The following KDELR2 variants were observed in gnomAD, a reference collection of about 807,000 sequenced individuals.
KDELR2 encodes ER lumen protein-retaining receptor 2.
Under a neutral mutation model 23.9 loss-of-function variants are expected in KDELR2, and 15 were observed. The ratio of observed to expected loss-of-function variants is 0.63; its 90% CI spans 0.42 to 0.97. The LOEUF is 0.97. Ranked by LOEUF, KDELR2 falls within the 50% of genes least tolerant of loss-of-function variation. The pLI, the probability that KDELR2 is intolerant of heterozygous loss-of-function variation, is 0.00. For synonymous variants in KDELR2, 119 were observed against 106.2 expected (o/e 1.12, Z -0.74); for missense variants, 272 against 254.6 (o/e 1.07, Z -0.46).
Position 6,462,907 on chromosome 7 carries a change from GTTTC to G in KDELR2, c.*230_*233del, listed in dbSNP as rs1433895371. 5 of 1,388,646 alleles carry G rather than the reference GTTTC, an allele frequency of 3.6e-6. No homozygotes were observed. In the East Asian group the frequency reaches 7.2e-5, roughly 20 times the overall value. The allele number at this position is 1,388,646 out of a possible 1,614,324, so 86.0% of individuals were successfully genotyped here. ...ACTGAATTTATTAATACAGCATTAA[GTTTC>G]TTTGTGTAAAAAAATCTTTGTACAC... On this transcript the variant is annotated 3_prime_UTR_variant, in exon 5 of 5. Coordinates refer to ENST00000258739, the MANE Select transcript of KDELR2 (RefSeq NM_006854.4).
rs1785406402 is a variant in KDELR2 at position 6,462,301 on chromosome 7, A to G, written c.*840T>C. 6.6e-6 allele frequency: 1 copy of G among 152,224 alleles called. No homozygotes were observed. Among genetic ancestry groups the G allele is most frequent in the Non-Finnish European group, 1.5e-5 (1 of 68,052 alleles). The allele number at this position is 152,224 out of a possible 1,614,324, so 9.4% of individuals were successfully genotyped here. ...TTTTGGAATTATAAGTGAAAGTGAT[A>G]GGTAACTCCTTGTGTTCCATTTCTC... On this transcript the variant is annotated 3_prime_UTR_variant, in exon 5 of 5. Coordinates refer to ENST00000258739, the MANE Select transcript of KDELR2 (RefSeq NM_006854.4).
chr7:6,479,439 G>A (rs1785836309), intron 1 of KDELR2, among the ~76,000 whole-genome samples: 2 of 152,172 alleles, frequency 1.3e-5, no homozygotes, highest in African/African-American at 4.8e-5. Context: ...ACAGGCATGA[G>A]CCACTAAGAC....
chr7:6,461,223 CT>C lies in KDELR2; in HGVS notation c.*1917del, dbSNP rs1785382262. ...AGTCCCACACTCCCTCGCAGGCACC[CT>C]TGCTAAGATGTCCTCCTGGGTGACC... On this transcript the variant is annotated 3_prime_UTR_variant, in exon 5 of 5. Coordinates refer to ENST00000258739, the MANE Select transcript of KDELR2 (RefSeq NM_006854.4). The C allele has an allele frequency of 6.6e-6, 1 of 152,162 alleles. No homozygotes were observed. The highest frequency in any genetic ancestry group is 1.5e-5 in the Non-Finnish European group (1 of 68,028). The allele number at this position is 152,162 out of a possible 1,614,324, so 9.4% of individuals were successfully genotyped here.
chr7:6,474,299 G>A lies in KDELR2; in HGVS notation c.92-15C>T, dbSNP rs775013229. On this transcript the variant is annotated splice_polypyrimidine_tract_variant and intron_variant, in intron 1 of 4. Transcript: ENST00000258739. Reference sequence around the variant, plus strand: ...CCCAGAAATACCTAGAGAAACAGAAGGGAAGTATTAGAAGGGCCTGAAGAG... The same window carrying A: ...CCCAGAAATACCTAGAGAAACAGAAAGGAAGTATTAGAAGGGCCTGAAGAG... The A allele has an allele frequency of 1.1e-5, 17 of 1,569,870 alleles. No individual in the cohort carries two copies. Among genetic ancestry groups the A allele is most frequent in the Middle Eastern group, 1.7e-4 (1 of 5,978 alleles).
intron 3 of KDELR2, among the ~76,000 whole-genome samples, chr7:6,467,746 G>A (rs997636630): frequency 3.3e-5 from 5 of 152,072 alleles, no homozygotes; most frequent in Admixed American, 1.3e-4. Context: ...GGGTGACAGC[G>A]AGACTCTGTC....
At chr7:6,464,140 T>G (rs1785447684) in intron 4 of KDELR2, among the ~76,000 whole-genome samples, 1 of 125,786 alleles carries the variant, frequency 8.0e-6, no homozygotes, top group Non-Finnish European at 1.5e-5. Context: ...GAGGTTGCGG[T>G]GAGCCAAGAT....
intron 1 of KDELR2, among the ~76,000 whole-genome samples, chr7:6,480,896 A>G (rs1445780845): frequency 6.6e-6 from 1 of 152,244 alleles, no homozygotes; most frequent in Non-Finnish European, 1.5e-5. Context: ...CACACAAACC[A>G]GGACAGAAAT....
chr7:6,470,736 G>C (rs530651114), intron 2 of KDELR2, among the ~76,000 whole-genome samples: 2 of 151,936 alleles, frequency 1.3e-5, no homozygotes, highest in African/African-American at 4.8e-5. Context: ...GATTTAATCC[G>C]CCACCACTAT....
intron 2 of KDELR2, 162 bp from the exon 3 acceptor site, chr7:6,469,916 G>A: frequency 3.3e-6 from 2 of 604,346 alleles, no homozygotes; most frequent in Non-Finnish European, 5.5e-6. Flanking sequence ...CTTTTTTGGA[G>A]GTGTTCAGTT....
At chr7:6,481,960 C>T (rs1774928808) in intron 1 of KDELR2, among the ~76,000 whole-genome samples, 1 of 151,302 alleles carries the variant, frequency 6.6e-6, no homozygotes, top group Admixed American at 6.6e-5. Flanking sequence ...GCACCTACCT[C>T]CTAAGGTCGT....
At chr7:6,474,050 T>G in intron 2 of KDELR2, 134 bp downstream of exon 2, 3 of 587,680 alleles carry the variant, frequency 5.1e-6, no homozygotes, top group Non-Finnish European at 8.9e-6. Flanking sequence ...TCTGAAAGTT[T>G]TAAAGTCAAG....
In KDELR2 at chr7:6,484,104, T is replaced by C. The variant is rs1785981096; in HGVS notation, c.-47A>G. 7.6e-7 allele frequency: 1 copy of C among 1,322,592 alleles called. No individual in the cohort carries two copies. Among genetic ancestry groups the C allele is most frequent in the East Asian group, 3.4e-5 (1 of 29,744 alleles). 81.9% of individuals were successfully genotyped at this position (1,322,592 alleles called of 1,614,324 possible). On this transcript the variant is annotated 5_prime_UTR_variant, in exon 1 of 5. Transcript: ENST00000258739. Reference sequence around the variant, plus strand: ...CGGCGCAGCGCGGCGGCCCCGGGGCTGGGCGGCTCAGGAGGCGGCGGCCCC... The same window carrying C: ...CGGCGCAGCGCGGCGGCCCCGGGGCCGGGCGGCTCAGGAGGCGGCGGCCCC...
rs904411686 is a variant in KDELR2 at position 6,484,109 on chromosome 7, G to T, written c.-52C>A. The stretch of plus-strand genomic sequence containing the variant: ...CAGCGCGGCGGCCCCGGGGCTGGGC[G>T]GCTCAGGAGGCGGCGGCCCCTGAGA... On this transcript the variant is annotated 5_prime_UTR_variant, in exon 1 of 5. Coordinates refer to ENST00000258739, the MANE Select transcript of KDELR2 (RefSeq NM_006854.4). 6 of 1,251,426 alleles carry T rather than the reference G, an allele frequency of 4.8e-6. No individual in the cohort carries two copies. The highest frequency in any genetic ancestry group is 4.3e-5 in the Admixed American group (1 of 23,480). 77.5% of individuals were successfully genotyped at this position (1,251,426 alleles called of 1,614,324 possible).
intron 3 of KDELR2, among the ~76,000 whole-genome samples, chr7:6,469,241 T>C (rs1017022878): frequency 7.3e-5 from 11 of 151,400 alleles, no homozygotes; most frequent in East Asian, 1.9e-4. Context: ...CGTGAGCCAC[T>C]ACGCCCAGCC....
chr7:6,472,130 T>C (rs1583318337), intron 2 of KDELR2, among the ~76,000 whole-genome samples: 1 of 152,186 alleles, frequency 6.6e-6, no homozygotes, highest in East Asian at 1.9e-4. Flanking sequence ...TCACCATGTA[T>C]GTGAATAAAT....
intron 1 of KDELR2, among the ~76,000 whole-genome samples, chr7:6,481,233 G>C (rs1010686241): frequency 2.6e-5 from 4 of 151,942 alleles, no homozygotes; most frequent in South Asian, 2.1e-4. Flanking sequence ...GCCGAGCGTG[G>C]TGGCAAGCGC....
chr7:6,464,918 T>C (rs1261537954), intron 4 of KDELR2, among the ~76,000 whole-genome samples: 2 of 151,864 alleles, frequency 1.3e-5, no homozygotes, highest in Non-Finnish European at 2.9e-5. Flanking sequence ...GTATTTTTAG[T>C]AGAGATGGGG....
At chr7:6,473,143 G>A (rs1044662770) in intron 2 of KDELR2, among the ~76,000 whole-genome samples, 1 of 136,302 alleles carries the variant, frequency 7.3e-6, no homozygotes, top group Non-Finnish European at 1.5e-5. Flanking sequence ...GGCTGGTCTC[G>A]GATTCCTTGG....
chr7:6,477,377 G>T (rs949816384), intron 1 of KDELR2, among the ~76,000 whole-genome samples: 1 of 152,186 alleles, frequency 6.6e-6, no homozygotes, highest in African/African-American at 2.4e-5. Flanking sequence ...AAGACAGAAG[G>T]GGGTGGGGCA....
Sources: allele counts gnomAD v4.1 joint callset (sites outside exome capture counted in the v4.1 genomes callset), GRCh38; gene constraint gnomAD v4.1.1; transcripts MANE v1.5; gene names NCBI Gene and HGNC (gene_info 2026-07-23, HGNC 2026-07-21).